The following UBE2E3 variants were observed in gnomAD, a reference collection of about 807,000 sequenced individuals.
UBE2E3 encodes the protein ubiquitin-conjugating enzyme E2 E3.
In UBE2E3, 5 loss-of-function variants were observed where a neutral mutation model predicts 23.6. The observed-to-expected ratio is 0.21, with a 90% CI of 0.11 to 0.44. The LOEUF (loss-of-function observed/expected upper bound fraction) is 0.44. Ranked by LOEUF, UBE2E3 falls within the 20% of genes least tolerant of loss-of-function variation. The probability of loss-of-function intolerance (pLI) is 0.99; values close to 1 mark genes in which losing one functional copy is unlikely to be tolerated. For missense variants in UBE2E3, 81 were observed against 249.8 expected (o/e 0.32, Z 4.55); for synonymous variants, 78 against 87.5 (o/e 0.89, Z 0.60).
intron 3 of UBE2E3, among the ~76,000 whole-genome samples, chr2:181,032,689 T>C (rs1686121099): frequency 6.6e-6 from 1 of 152,162 alleles, no homozygotes; most frequent in Admixed American, 6.5e-5. Context: ...GAAAACAAAG[T>C]TGCAAAAATG....
intron 2 of UBE2E3, among the ~76,000 whole-genome samples, chr2:180,983,693 C>A (rs760456636): frequency 6.6e-6 from 1 of 152,136 alleles, no homozygotes; most frequent in Non-Finnish European, 1.5e-5. Context: ...TGCTTTCCCT[C>A]CTCCCTTTTT....
chr2:180,994,463 AT>A (rs1304746660), intron 3 of UBE2E3, among the ~76,000 whole-genome samples: 1 of 152,194 alleles, frequency 6.6e-6, no homozygotes, highest in Non-Finnish European at 1.5e-5. Flanking sequence ...ACATGCAAGT[AT>A]TTCACTATGC....
At chr2:180,993,082 T>TA (rs1423542693) in intron 3 of UBE2E3, among the ~76,000 whole-genome samples, 2 of 152,238 alleles carry the variant, frequency 1.3e-5, no homozygotes, top group Non-Finnish European at 2.9e-5. Context: ...TTGGGATTTT[T>TA]ATCTCTGTTG....
At chr2:181,028,006 C>T (rs1685952508) in intron 3 of UBE2E3, among the ~76,000 whole-genome samples, 1 of 151,972 alleles carries the variant, frequency 6.6e-6, no homozygotes, top group African/African-American at 2.4e-5. Flanking sequence ...TGTCCCTATT[C>T]AGTCACTCTA....
At chr2:180,994,709 T>C (rs552021146) in intron 3 of UBE2E3, among the ~76,000 whole-genome samples, 2 of 152,180 alleles carry the variant, frequency 1.3e-5, no homozygotes, top group Non-Finnish European at 2.9e-5. Context: ...GAAAAATATT[T>C]AGAGATTTAC....
intron 3 of UBE2E3, among the ~76,000 whole-genome samples, chr2:181,048,909 C>T (rs994656293): frequency 1.3e-5 from 2 of 152,082 alleles, no homozygotes; most frequent in African/African-American, 4.8e-5. Flanking sequence ...ATTTGTTCTG[C>T]ATCCTAAGGA....
At chr2:181,000,303 C>T (rs958282037) in intron 3 of UBE2E3, among the ~76,000 whole-genome samples, 1 of 152,146 alleles carries the variant, frequency 6.6e-6, no homozygotes, top group Non-Finnish European at 1.5e-5. Context: ...AACTGTTAAT[C>T]ACAACTTCTA....
intron 3 of UBE2E3, among the ~76,000 whole-genome samples, chr2:181,025,892 A>G (rs1486432981): frequency 6.6e-6 from 1 of 151,954 alleles, no homozygotes. Flanking sequence ...ATGGAAACAA[A>G]TTTTCTAAAG....
chr2:181,046,281 G>T (rs1420201047), intron 3 of UBE2E3, among the ~76,000 whole-genome samples: 2 of 152,150 alleles, frequency 1.3e-5, no homozygotes, highest in African/African-American at 4.8e-5. Flanking sequence ...CAGGGATTCC[G>T]TGTAGGCATT....
intron 3 of UBE2E3, among the ~76,000 whole-genome samples, chr2:180,990,463 A>G (rs1049474632): frequency 2.6e-5 from 4 of 152,182 alleles, no homozygotes; most frequent in African/African-American, 9.7e-5. Context: ...CATCCTTAAT[A>G]TATTCACCTA....
intron 3 of UBE2E3, among the ~76,000 whole-genome samples, chr2:181,054,369 A>G (rs1686928963): frequency 6.6e-6 from 1 of 151,380 alleles, no homozygotes; most frequent in Non-Finnish European, 1.5e-5. Context: ...AATGGATGAG[A>G]GTTCCTGTTA....
In UBE2E3 at chr2:180,992,574, G is replaced by A. The variant is rs573929057; in HGVS notation, c.245+8481G>A. Among the ~76,000 whole-genome samples, 9 of 152,272 alleles carry A rather than the reference G, an allele frequency of 5.9e-5. No individual in the cohort carries two copies. In the South Asian group the frequency reaches 1.9e-3, roughly 32 times the overall value. ...TTATATCTGTGTATCTTGTAGCTCT[G>A]ACATTTGGAACATATGCCTCAAGCA... On this transcript the variant is annotated intron_variant, in intron 3 of 5. Transcript: ENST00000410062.
intron 3 of UBE2E3, among the ~76,000 whole-genome samples, chr2:181,005,171 C>A (rs1190620771): frequency 6.6e-6 from 1 of 152,214 alleles, no homozygotes; most frequent in Non-Finnish European, 1.5e-5. Context: ...CTGTCAGCAT[C>A]TGATTTACCT....
In UBE2E3 at chr2:180,985,075, A is replaced by T. The variant is rs186174232; in HGVS notation, c.245+982A>T. On this transcript the variant is annotated intron_variant, in intron 3 of 5. Transcript: ENST00000410062. ...ACCCTGTCTCTGAAGTCTGCTTGTGATATAATAGGGTATAATCCAGTTGCT... is the reference window on the plus strand; with the variant it reads ...ACCCTGTCTCTGAAGTCTGCTTGTGTTATAATAGGGTATAATCCAGTTGCT... 1.5e-3 allele frequency among the ~76,000 whole-genome samples: 232 copies of T among 152,230 alleles called. 1 individual carries two copies. Among genetic ancestry groups the T allele is most frequent in the South Asian group, 2.7e-3 (13 of 4,822 alleles).
intron 3 of UBE2E3, among the ~76,000 whole-genome samples, chr2:181,037,913 A>T (rs1686351656): frequency 6.6e-6 from 1 of 152,222 alleles, no homozygotes; most frequent in Admixed American, 6.5e-5. Context: ...GATTGCAGTG[A>T]ACTATGATCA....
rs553588066 is a variant in UBE2E3 at position 181,006,691 on chromosome 2, A to AT, written c.245+22604dup. On this transcript the variant is annotated intron_variant, in intron 3 of 5. Transcript: ENST00000410062. ...TATGTGGTTGTAAGAAAGCAGAGAG[A>AT]TTTTTTCTATATTTTTATTTGCTAA... Among the ~76,000 whole-genome samples the AT allele has an allele frequency of 2.7e-3, 403 of 152,048 alleles. 2 individuals carry two copies. Among genetic ancestry groups the AT allele is most frequent in the African/African-American group, 8.8e-3 (364 of 41,488 alleles).
chr2:181,060,857 AGTGCTTTTTT>A, intron 5 of UBE2E3, 45 bp downstream of exon 5: 1 of 533,942 alleles, frequency 1.9e-6, no homozygotes, highest in Non-Finnish European at 2.7e-6. Context: ...TACAAAAACG[AGTGCTTTTTT>A]TTTTTTTTTT....
At chr2:181,052,688 C>T (rs977862906) in intron 3 of UBE2E3, among the ~76,000 whole-genome samples, 1 of 151,806 alleles carries the variant, frequency 6.6e-6, no homozygotes, top group African/African-American at 2.4e-5. Flanking sequence ...AGAAATACTC[C>T]TTTCCTGTTT....
intron 3 of UBE2E3, among the ~76,000 whole-genome samples, chr2:180,992,231 T>G (rs1270616620): frequency 6.7e-6 from 1 of 148,832 alleles, no homozygotes; most frequent in East Asian, 1.9e-4. Context: ...TTTACTGGGT[T>G]GTTTTTCCAC....
Sources: gnomAD v4.1 joint callset for allele counts (sites outside exome capture counted in the v4.1 genomes callset) on GRCh38, gnomAD v4.1.1 for gene constraint, MANE v1.5 for transcripts, NCBI Gene and HGNC (gene_info 2026-07-23, HGNC 2026-07-21) for gene names.